Variants in SPOCK3 observed in about 807,000 individuals in gnomAD.
The protein encoded by SPOCK3 is testican-3.
A neutral mutation model predicts 56.6 loss-of-function variants in SPOCK3; 30 were observed. The ratio of observed to expected loss-of-function variants is 0.53; its 90% CI spans 0.40 to 0.72. SPOCK3 has a LOEUF of 0.72. Ranked by LOEUF, SPOCK3 falls within the 30% of genes least tolerant of loss-of-function variation. The pLI is 0.00. For missense variants in SPOCK3, 527 were observed against 530.0 expected (o/e 0.99, Z 0.06); for synonymous variants, 196 against 183.3 (o/e 1.07, Z -0.56).
At position 167,006,720 on chromosome 4, in the gene SPOCK3, T is replaced by C. The variant is rs568370196; in HGVS notation, c.236-6257A>G. ...TTTGGGGAAACCTTTAACTATTTGATCTGTTCATTAATTTTTCACTATTTT... is the reference window on the plus strand; with the variant it reads ...TTTGGGGAAACCTTTAACTATTTGACCTGTTCATTAATTTTTCACTATTTT... On this transcript the variant is annotated intron_variant, in intron 3 of 10. Transcript: ENST00000357545. 9.9e-5 allele frequency among the ~76,000 whole-genome samples: 15 copies of C among 152,216 alleles called. 1 individual carries two copies. The highest frequency in any genetic ancestry group is 1.9e-4 in the Non-Finnish European group (13 of 68,044).
At chr4:166,993,366 G>A (rs1429905439) in intron 4 of SPOCK3, among the ~76,000 whole-genome samples, 1 of 152,100 alleles carries the variant, frequency 6.6e-6, no homozygotes, top group Non-Finnish European at 1.5e-5. Flanking sequence ...TCTAAAGATC[G>A]TCTTCTCTGG....
intron 4 of SPOCK3, among the ~76,000 whole-genome samples, chr4:166,923,533 A>G (rs961360675): frequency 6.6e-6 from 1 of 152,202 alleles, no homozygotes; most frequent in Non-Finnish European, 1.5e-5. Context: ...AATTCCATGC[A>G]TAAATTCACA....
At chr4:166,975,001 G>A (rs1046963889) in intron 4 of SPOCK3, among the ~76,000 whole-genome samples, 4 of 152,010 alleles carry the variant, frequency 2.6e-5, no homozygotes, top group African/African-American at 4.8e-5. Flanking sequence ...GTGTGGGTTA[G>A]TTATCATGAG....
chr4:166,950,868 A>T (rs1190837351), intron 4 of SPOCK3, among the ~76,000 whole-genome samples: 2 of 147,822 alleles, frequency 1.4e-5, no homozygotes, highest in Non-Finnish European at 3.0e-5. Flanking sequence ...GCAGAAATAA[A>T]GATGTTCTTT....
chr4:166,962,670 G>T (rs1253346135), intron 4 of SPOCK3, among the ~76,000 whole-genome samples: 2 of 152,076 alleles, frequency 1.3e-5, no homozygotes, highest in African/African-American at 4.8e-5. Flanking sequence ...TTCAGCATTA[G>T]AAAACTACTT....
intron 2 of SPOCK3, among the ~76,000 whole-genome samples, chr4:167,113,686 C>T (rs1022641721): frequency 2.0e-5 from 3 of 152,024 alleles, no homozygotes; most frequent in African/African-American, 7.3e-5. Context: ...ACCTCATTAC[C>T]TACCCATAGG....
chr4:167,093,069 A>G (rs1357848180), intron 2 of SPOCK3, among the ~76,000 whole-genome samples: 5 of 152,164 alleles, frequency 3.3e-5, no homozygotes. Context: ...CAGTCATTTT[A>G]GTATTTTCTT....
chr4:166,961,139 C>T (rs1167240562), intron 4 of SPOCK3, among the ~76,000 whole-genome samples: 4 of 151,684 alleles, frequency 2.6e-5, no homozygotes, highest in Admixed American at 2.6e-4. Flanking sequence ...AACTGTCAAC[C>T]TTGGCGAAGT....
intron 6 of SPOCK3, among the ~76,000 whole-genome samples, chr4:166,818,962 C>G (rs1360804356): frequency 6.6e-6 from 1 of 151,940 alleles, no homozygotes; most frequent in African/African-American, 2.4e-5. Context: ...AAAGTCTATT[C>G]CCACACATTG....
intron 3 of SPOCK3, among the ~76,000 whole-genome samples, chr4:167,028,406 A>ACAAC (rs35401736): frequency 0.25 from 37,685 of 150,912 alleles, 5,118 homozygotes; most frequent in African/African-American, 0.37. Context: ...AACAACAACA[A>ACAAC]AAGAATAATC....
intron 6 of SPOCK3, among the ~76,000 whole-genome samples, chr4:166,848,367 C>T (rs944279461): frequency 2.6e-5 from 4 of 152,158 alleles, no homozygotes; most frequent in Non-Finnish European, 4.4e-5. Context: ...GTCAGGGTTT[C>T]CAGCATCCTT....
chr4:166,966,205 G>A (rs958790081), intron 4 of SPOCK3, among the ~76,000 whole-genome samples: 2 of 150,336 alleles, frequency 1.3e-5, no homozygotes, highest in African/African-American at 2.4e-5. Flanking sequence ...CTTCATTGTC[G>A]GATGGATCAC....
chr4:166,917,653 T>C (rs1738011443), intron 4 of SPOCK3, among the ~76,000 whole-genome samples: 1 of 152,148 alleles, frequency 6.6e-6, no homozygotes, highest in African/African-American at 2.4e-5. Context: ...TGAGTTCTCA[T>C]GAAATCTCAT....
At chr4:166,953,829 G>A (rs536514950) in intron 4 of SPOCK3, among the ~76,000 whole-genome samples, 113 of 101,288 alleles carry the variant, frequency 1.1e-3, no homozygotes, top group Admixed American at 0.01. Flanking sequence ...GTAAACTATC[G>A]TAAGAACAAA....
chr4:166,741,710 G>C (rs1352223882), intron 9 of SPOCK3, among the ~76,000 whole-genome samples: 1 of 151,998 alleles, frequency 6.6e-6, no homozygotes, highest in Non-Finnish European at 1.5e-5. Context: ...CATATAATTT[G>C]AACTGAATTT....
chr4:166,970,729 GAA>G (rs1745284295), intron 4 of SPOCK3, among the ~76,000 whole-genome samples: 1 of 112,532 alleles, frequency 8.9e-6, no homozygotes, highest in East Asian at 2.3e-4. Flanking sequence ...CGTCAAAAAA[GAA>G]AAAGAAAAAA....
At chr4:166,957,703 T>C (rs1253178741) in intron 4 of SPOCK3, among the ~76,000 whole-genome samples, 1 of 152,194 alleles carries the variant, frequency 6.6e-6, no homozygotes, top group Non-Finnish European at 1.5e-5. Flanking sequence ...GGAGATTATT[T>C]TGAAGCTTTA....
At chr4:166,761,749 G>A (rs1737252812) in intron 7 of SPOCK3, among the ~76,000 whole-genome samples, 1 of 7,690 alleles carries the variant, frequency 1.3e-4, no homozygotes, top group African/African-American at 4.8e-4. Flanking sequence ...CTGTGGTGGG[G>A]TCGGGGGAGG....
chr4:167,072,543 G>A (rs1756782506), intron 2 of SPOCK3, among the ~76,000 whole-genome samples: 1 of 151,890 alleles, frequency 6.6e-6, no homozygotes, highest in Non-Finnish European at 1.5e-5. Context: ...TTCCATGTAG[G>A]AAACAATAAA....
Sources: gnomAD v4.1 joint callset for allele counts (sites outside exome capture counted in the v4.1 genomes callset) on GRCh38, gnomAD v4.1.1 for gene constraint, MANE v1.5 for transcripts, NCBI Gene and HGNC (gene_info 2026-07-23, HGNC 2026-07-21) for gene names.